Variants in PPP3CB observed in about 807,000 individuals in gnomAD.
The protein encoded by PPP3CB is protein phosphatase 3 catalytic subunit beta.
A neutral mutation model predicts 66.4 loss-of-function variants in PPP3CB; 8 were observed. That is an observed-to-expected ratio of 0.12 (90% CI 0.07 to 0.22). The LOEUF is 0.22. Ranked by LOEUF, PPP3CB falls within the 10% of genes least tolerant of loss-of-function variation. The probability of loss-of-function intolerance (pLI) is 1.00; values close to 1 mark genes in which losing one functional copy is unlikely to be tolerated. For synonymous variants in PPP3CB, 208 were observed against 221.2 expected, an observed-to-expected ratio of 0.94 and a Z score of 0.53; for missense variants, 319 against 642.5, an observed-to-expected ratio of 0.50 and a Z score of 5.44.
chr10:73,468,924 T>C (rs149798110), intron 8 of PPP3CB, among the ~76,000 whole-genome samples: 20 of 152,184 alleles, frequency 1.3e-4, no homozygotes, highest in South Asian at 1.0e-3. Context: ...ATCTAGAAAA[T>C]TGCCTTATGG....
At chr10:73,475,128 C>T (rs899433979) in intron 3 of PPP3CB, 98 bp from the exon 4 acceptor site, 2 of 1,389,682 alleles carry the variant, frequency 1.4e-6, no homozygotes, top group African/African-American at 2.9e-5. Context: ...TTACCATCCT[C>T]TATTATCTTT....
chr10:73,466,888 A>T (rs1212630226), intron 9 of PPP3CB: 1 of 152,174 alleles, frequency 6.6e-6, no homozygotes, highest in African/African-American at 2.4e-5. Context: ...ATTAACTTAA[A>T]ATGGAAAAGA....
intron 9 of PPP3CB, 41 bp from the exon 10 acceptor site, chr10:73,454,530 T>A (rs1223094360): frequency 1.5e-6 from 2 of 1,375,908 alleles, no homozygotes; most frequent in Non-Finnish European, 2.1e-6. Context: ...TGACCATATA[T>A]AACTGTCTAT....
At chr10:73,445,036 G>A (rs1367973347) in intron 11 of PPP3CB, among the ~76,000 whole-genome samples, 2 of 152,210 alleles carry the variant, frequency 1.3e-5, no homozygotes, top group South Asian at 2.1e-4. Flanking sequence ...TGTTTTTCCT[G>A]AAAAGCTTTA....
intron 9 of PPP3CB, among the ~76,000 whole-genome samples, chr10:73,460,587 A>G (rs2056504637): frequency 6.6e-6 from 1 of 152,224 alleles, no homozygotes. Flanking sequence ...TGTTTTCACT[A>G]GTGAGGGAAA....
chr10:73,482,612 T>C (rs982855670), intron 1 of PPP3CB, among the ~76,000 whole-genome samples: 3 of 150,534 alleles, frequency 2.0e-5, no homozygotes, highest in East Asian at 3.9e-4. Flanking sequence ...ATGATGAATA[T>C]TTCCTATTTA....
chr10:73,445,749 C>CT (rs1208013891), intron 11 of PPP3CB, among the ~76,000 whole-genome samples: 476 of 129,548 alleles, frequency 3.7e-3, no homozygotes, highest in Middle Eastern at 5.4e-3. Flanking sequence ...CCTAAGTACC[C>CT]TTTTTTTTTT....
At position 73,471,595 on chromosome 10, in the gene PPP3CB, T is replaced by C; in HGVS notation, c.542A>G (p.Glu181Gly). The C allele has an allele frequency of 6.3e-7, 1 of 1,596,834 alleles. No homozygotes were observed. Among genetic ancestry groups the C allele is most frequent in the Non-Finnish European group, 8.5e-7 (1 of 1,174,232 alleles). Residue 181 changes from glutamate to glycine, a missense_variant, in exon 5 of 14, where the codon GAA becomes GGA. Physicochemically the swap from Glu to Gly is moderately conservative, Grantham distance 98. Around this residue, in one of 5 missense-constraint regions of PPP3CB, gnomAD observed 51 missense variants for 139.6 expected, o/e 0.37. Coordinates refer to ENST00000360663, the MANE Select transcript of PPP3CB (RefSeq NM_021132.4). ...FKQECKIKYSERVYEACMEAF... is the reference protein window; with the variant it reads ...FKQECKIKYSGRVYEACMEAF... Reference sequence around the variant, plus strand: ...TTCCATACAAGCTTCATAGACTCTTTCCGAATACTTAATTTTACCTAGAAA... The same window carrying C: ...TTCCATACAAGCTTCATAGACTCTTCCCGAATACTTAATTTTACCTAGAAA...
intron 9 of PPP3CB, among the ~76,000 whole-genome samples, chr10:73,458,698 AT>A (rs2056470674): frequency 6.6e-6 from 1 of 150,592 alleles, no homozygotes; most frequent in African/African-American, 2.4e-5. Context: ...ATATGTTTAT[AT>A]ATTAAAATGT....
At chr10:73,490,818 A>G (rs1446845871) in intron 1 of PPP3CB, among the ~76,000 whole-genome samples, 4 of 151,476 alleles carry the variant, frequency 2.6e-5, no homozygotes, top group African/African-American at 9.7e-5. Context: ...CATGGTACTG[A>G]AGATTTATTT....
chr10:73,471,268 T>C, intron 5 of PPP3CB, 59 bp from the exon 6 acceptor site: 1 of 1,505,340 alleles, frequency 6.6e-7, no homozygotes, highest in Non-Finnish European at 9.0e-7. Flanking sequence ...GGATAAAATG[T>C]GCATAGGAAA....
At chr10:73,471,037 A>G in intron 6 of PPP3CB, 33 bp downstream of exon 6, 1 of 1,598,634 alleles carries the variant, frequency 6.3e-7, no homozygotes, top group Non-Finnish European at 8.6e-7. Flanking sequence ...GTTAACAACT[A>G]AAATGTGATT....
intron 13 of PPP3CB, among the ~76,000 whole-genome samples, chr10:73,439,648 T>G (rs1218447028): frequency 6.6e-6 from 1 of 152,118 alleles, no homozygotes; most frequent in Non-Finnish European, 1.5e-5. Flanking sequence ...GATTGCATAT[T>G]ACACCGGAAA....
chr10:73,493,516 C>T (rs867813673), intron 1 of PPP3CB, among the ~76,000 whole-genome samples: 2 of 152,240 alleles, frequency 1.3e-5, no homozygotes, highest in Middle Eastern at 3.4e-3. Flanking sequence ...GAATAAAAGA[C>T]AAGGAAGAAT....
chr10:73,454,685 G>A (rs1459670125), intron 9 of PPP3CB, among the ~76,000 whole-genome samples, 196 bp from the exon 10 acceptor site: 4 of 144,466 alleles, frequency 2.8e-5, no homozygotes, highest in Non-Finnish European at 4.5e-5. Flanking sequence ...AACTCTGAGA[G>A]AAAGAGATTC....
chr10:73,490,794 C>T (rs994121825), intron 1 of PPP3CB, among the ~76,000 whole-genome samples: 1 of 151,952 alleles, frequency 6.6e-6, no homozygotes, highest in African/African-American at 2.4e-5. Flanking sequence ...TGTTCCTTTG[C>T]TTTCACTAGG....
intron 8 of PPP3CB, among the ~76,000 whole-genome samples, chr10:73,470,159 A>G (rs953167648): frequency 2.6e-5 from 4 of 152,312 alleles, no homozygotes; most frequent in African/African-American, 9.6e-5. Flanking sequence ...AGAAGAATGT[A>G]TCCCTCAAAT....
chr10:73,479,270 AAAT>A (rs2056837078), intron 2 of PPP3CB, 44 bp downstream of exon 2: 2 of 1,542,902 alleles, frequency 1.3e-6, no homozygotes, highest in African/African-American at 1.4e-5. Context: ...CCAGGCAACT[AAAT>A]AATGACATAA....
At chr10:73,478,737 G>A in intron 2 of PPP3CB, 114 bp from the exon 3 acceptor site, 1 of 872,844 alleles carries the variant, frequency 1.1e-6, no homozygotes. Context: ...AGAAATGTCT[G>A]AGAAGGAAGT....
Sources: allele counts gnomAD v4.1 joint callset (sites outside exome capture counted in the v4.1 genomes callset), GRCh38; gene constraint gnomAD v4.1.1; regional missense constraint gnomAD v4.1.1; transcripts MANE v1.5; gene names NCBI Gene and HGNC (gene_info 2026-07-23, HGNC 2026-07-21).